NINJ1: variants seen among roughly 807,000 people sequenced by gnomAD.
NINJ1 encodes the protein ninjurin-1.
Under a neutral mutation model 12.7 loss-of-function variants are expected in NINJ1, and 6 were observed. That is an observed-to-expected ratio of 0.47 (90% CI 0.26 to 0.93). The LOEUF is 0.93. NINJ1 is among the 40% of genes least tolerant of loss of function. The pLI, the probability that NINJ1 is intolerant of heterozygous loss-of-function variation, is 0.15. For missense variants in NINJ1, 170 were observed against 213.0 expected (o/e 0.80, Z 1.26); for synonymous variants, 100 against 96.0 (o/e 1.04, Z -0.25).
At chr9:93,128,700 C>T (rs1441424052) in intron 1 of NINJ1, among the ~76,000 whole-genome samples, 1 of 152,224 alleles carries the variant, frequency 6.6e-6, no homozygotes, top group African/African-American at 2.4e-5. Context: ...TCATTCGGGT[C>T]TCCATCCCAG....
chr9:93,133,157 G>A (rs182395095), intron 1 of NINJ1, among the ~76,000 whole-genome samples: 1 of 152,132 alleles, frequency 6.6e-6, no homozygotes, highest in African/African-American at 2.4e-5. Flanking sequence ...CTAGGAACAA[G>A]TGTCCATGCA....
intron 1 of NINJ1, among the ~76,000 whole-genome samples, chr9:93,128,705 T>A (rs1355082254): frequency 6.6e-6 from 1 of 152,214 alleles, no homozygotes. Flanking sequence ...CGGGTCTCCA[T>A]CCCAGGACTT....
intron 1 of NINJ1, among the ~76,000 whole-genome samples, chr9:93,129,040 C>T (rs1827852827): frequency 1.3e-5 from 2 of 152,198 alleles, no homozygotes; most frequent in Admixed American, 1.3e-4. Context: ...GAGGAACACT[C>T]AGATCCATTA....
rs368098029 is a variant in NINJ1 at position 93,126,550 on chromosome 9, G to A, written c.164C>T (p.Ala55Val). 5.0e-6 allele frequency: 8 copies of A among 1,614,128 alleles called. No individual in the cohort carries two copies. In the Admixed American group the frequency reaches 1.0e-4, roughly 20 times the overall value. The change falls in exon 2 of 4, where the codon GCG (alanine) becomes GTG (valine). Residue 55 changes from alanine (A) to valine (V), a missense_variant. Ala to Val is a moderately conservative substitution (Grantham distance 64). Transcript: ENST00000375446. Reference sequence around the variant, plus strand: ...CTGGGACGCGTTGGCCATCAGCAGCGCGATGTCCAGCATGCTCTCGGCTGC... The same window carrying A: ...CTGGGACGCGTTGGCCATCAGCAGCACGATGTCCAGCATGCTCTCGGCTGC... ...KSAAESMLDIALLMANASQLK... is the reference protein window; with the variant it reads ...KSAAESMLDIVLLMANASQLK...
At chr9:93,127,752 T>C (rs1827834222) in intron 1 of NINJ1, among the ~76,000 whole-genome samples, 1 of 152,172 alleles carries the variant, frequency 6.6e-6, no homozygotes, top group African/African-American at 2.4e-5. Context: ...GGTCACCTGC[T>C]TGGAGGCAGC....
chr9:93,133,335 C>T (rs1030320267), intron 1 of NINJ1, among the ~76,000 whole-genome samples: 1 of 152,362 alleles, frequency 6.6e-6, no homozygotes, highest in Non-Finnish European at 1.5e-5. Context: ...GGCTGCTGTT[C>T]CCTGCCCCCA....
chr9:93,126,701 CG>C, intron 1 of NINJ1, 63 bp from the exon 2 acceptor site: 1 of 1,386,606 alleles, frequency 7.2e-7, no homozygotes, highest in Non-Finnish European at 9.9e-7. Flanking sequence ...GTGCCTGAGT[CG>C]GGCTCTGGGG....
At chr9:93,122,741 C>T (rs1827753010) in intron 3 of NINJ1, among the ~76,000 whole-genome samples, 1 of 152,226 alleles carries the variant, frequency 6.6e-6, no homozygotes, top group African/African-American at 2.4e-5. Flanking sequence ...ACCTCTCTGA[C>T]TGCTCCACGC....
At chr9:93,126,278 G>A in intron 2 of NINJ1, 132 bp downstream of exon 2, 1 of 691,350 alleles carries the variant, frequency 1.4e-6, no homozygotes. Context: ...GCATGTCTGG[G>A]TGATGAGGGC....
intron 1 of NINJ1, among the ~76,000 whole-genome samples, chr9:93,129,432 C>T (rs1401686474): frequency 6.6e-6 from 1 of 152,188 alleles, no homozygotes; most frequent in Admixed American, 6.5e-5. Flanking sequence ...AGCAAATGCC[C>T]TGACCATGCA....
chr9:93,123,285 G>A (rs1827759767), intron 3 of NINJ1, among the ~76,000 whole-genome samples: 3 of 151,922 alleles, frequency 2.0e-5, no homozygotes, highest in South Asian at 2.1e-4. Context: ...CCCTCTTGGG[G>A]AATTTTTTTT....
chr9:93,133,153 A>G (rs1228585456), intron 1 of NINJ1, among the ~76,000 whole-genome samples: 1 of 152,114 alleles, frequency 6.6e-6, no homozygotes, highest in Admixed American at 6.5e-5. Flanking sequence ...TAACCTAGGA[A>G]CAAGTGTCCA....
chr9:93,126,998 C>T (rs7047517), intron 1 of NINJ1, among the ~76,000 whole-genome samples: 3 of 152,200 alleles, frequency 2.0e-5, no homozygotes, highest in Admixed American at 6.5e-5. Flanking sequence ...TCCTCTCCCC[C>T]TCCCCTCAGA....
At chr9:93,127,046 G>A (rs1450672277) in intron 1 of NINJ1, among the ~76,000 whole-genome samples, 1 of 152,038 alleles carries the variant, frequency 6.6e-6, no homozygotes, top group Non-Finnish European at 1.5e-5. Flanking sequence ...AGTGACGTGT[G>A]GGCGGACAGA....
chr9:93,132,276 A>G (rs1482684330), intron 1 of NINJ1, among the ~76,000 whole-genome samples: 1 of 152,128 alleles, frequency 6.6e-6, no homozygotes, highest in Non-Finnish European at 1.5e-5. Flanking sequence ...CTACCCCTCA[A>G]GGGGAAATGT....
chr9:93,134,158 G>A lies in NINJ1; in HGVS notation c.60C>T (p.Gly20=), dbSNP rs1359135560. ...AAGGTCTTACCGAGGCGTCCGGGGA[G>A]CCGGGTGTGCCCGGAGGCAGGCCGC... ...LNGGLPPGTP[G]SPDASPARWG... The change falls in exon 1 of 4, where the codon GGC becomes GGT. Residue 20 remains glycine, a synonymous_variant. Coordinates refer to ENST00000375446, the MANE Select transcript of NINJ1 (RefSeq NM_004148.4). 6.4e-6 allele frequency: 10 copies of A among 1,559,832 alleles called. No individual in the cohort carries two copies. Among genetic ancestry groups the A allele is most frequent in the Non-Finnish European group, 8.7e-6 (10 of 1,152,908 alleles).
In NINJ1 at chr9:93,126,458, T is replaced by C. The variant is rs551321471; in HGVS notation, c.256A>G (p.Ile86Val). ...FYVPLVVLIS[I>V]SLVLQIGVGV... ...ACGCCGATCTGCAGCACAAGGGAGA[T>C]GGAGATGAGGACCACCAGGGGCACA... Residue 86 changes from isoleucine to valine, a missense_variant, in exon 2 of 4, where the codon ATC (isoleucine) becomes GTC (valine). By Grantham distance (29) the Ile-to-Val change is conservative. Transcript: ENST00000375446. 69 of 1,613,926 alleles carry C rather than the reference T, an allele frequency of 4.3e-5. No individual in the cohort carries two copies. In the South Asian group the frequency reaches 7.5e-4, roughly 17 times the overall value.
chr9:93,129,253 C>T (rs1166806157), intron 1 of NINJ1, among the ~76,000 whole-genome samples: 1 of 152,242 alleles, frequency 6.6e-6, no homozygotes, highest in Non-Finnish European at 1.5e-5. Context: ...GGCTCAGAAG[C>T]TCTGGTAGCT....
Position 93,126,434 on chromosome 9 carries a change from C to G in NINJ1, c.280G>C (p.Val94Leu). The change falls in exon 2 of 4, where the codon GTG becomes CTG. Residue 94 changes from valine to leucine, a missense_variant. Val to Leu is a conservative substitution (Grantham distance 32). Transcript: ENST00000375446. Reference sequence around the variant, plus strand: ...CCAAGGAAGATGAGCAGCACCCCCACGCCGATCTGCAGCACAAGGGAGATG... The same window carrying G: ...CCAAGGAAGATGAGCAGCACCCCCAGGCCGATCTGCAGCACAAGGGAGATG... ...ISISLVLQIG[V>L]GVLLIFLVKY... The G allele has an allele frequency of 6.2e-7, 1 of 1,613,828 alleles. No homozygotes were observed. The highest frequency in any genetic ancestry group is 8.5e-7 in the Non-Finnish European group (1 of 1,179,842).
Sources: allele counts gnomAD v4.1 joint callset (sites outside exome capture counted in the v4.1 genomes callset), GRCh38; gene constraint gnomAD v4.1.1; transcripts MANE v1.5; gene names NCBI Gene and HGNC (gene_info 2026-07-23, HGNC 2026-07-21).